Variants in HNRNPU observed in about 807,000 individuals in gnomAD.
The protein encoded by HNRNPU is heterogeneous nuclear ribonucleoprotein U, also known as HNRNPU antisense RNA 1.
In HNRNPU, 5 loss-of-function variants were observed where a neutral mutation model predicts 94.7. The observed-to-expected ratio is 0.05, with a 90% CI of 0.03 to 0.11. The LOEUF (loss-of-function observed/expected upper bound fraction) is 0.11, where lower values mean the gene tolerates loss of function less well. Ranked by LOEUF, HNRNPU falls within the 10% of genes least tolerant of loss-of-function variation. The pLI is 1.00. For synonymous variants in HNRNPU, 434 were observed against 381.6 expected, an observed-to-expected ratio of 1.14 and a Z score of -1.60; for missense variants, 710 against 1,049.2, an observed-to-expected ratio of 0.68 and a Z score of 4.47.
At chr1:244,857,474 T>C (rs1412248077) in intron 8 of HNRNPU, 124 bp downstream of exon 8, 18 of 992,920 alleles carry the variant, frequency 1.8e-5, no homozygotes, top group Admixed American at 5.1e-5. Context: ...CTCAAACTCC[T>C]GACCTCAGGT....
At chr1:244,859,154 G>T in intron 5 of HNRNPU, 121 bp downstream of exon 5, 1 of 615,440 alleles carries the variant, frequency 1.6e-6, no homozygotes, top group Non-Finnish European at 2.9e-6. Flanking sequence ...TTACCTGTCT[G>T]AAGTATTAAC....
rs1367753410 is a variant in HNRNPU, at chr1:244,864,364, G to A, written c.-57C>T. 2.6e-5 allele frequency: 41 copies of A among 1,589,366 alleles called. No individual in the cohort carries two copies. The highest frequency in any genetic ancestry group is 3.4e-5 in the Non-Finnish European group (40 of 1,172,606). ...CCTCAAACTCGGCTCCGCTCACTCG[G>A]CCACTGGTGGCGGCTGCTGCGGCTG... On this transcript the variant is annotated 5_prime_UTR_variant, in exon 1 of 14. Transcript: ENST00000640218.
At chr1:244,862,395 T>TAAAA (rs56937404) in intron 3 of HNRNPU, 66 bp downstream of exon 3, 19,890 of 786,192 alleles carry the variant, frequency 0.025, 209 homozygotes, top group African/African-American at 0.052. Flanking sequence ...TTAAGACTTC[T>TAAAA]AAAAAAAAAA....
At chr1:244,856,905 G>C in intron 8 of HNRNPU, 49 bp from the exon 9 acceptor site, 1 of 1,492,032 alleles carries the variant, frequency 6.7e-7, no homozygotes, top group Non-Finnish European at 9.1e-7. Flanking sequence ...ATTTTAATAA[G>C]TTATGCTTTT....
Position 244,858,836 on chromosome 1 carries a change from C to A in HNRNPU, c.1123G>T (p.Glu375Ter). Residue 375 changes from glutamate (E) to a stop codon, truncating the protein, a stop_gained, in exon 6 of 14, where the codon GAA becomes TAA. Coordinates refer to ENST00000640218, the MANE Select transcript of HNRNPU (RefSeq NM_031844.3). LOFTEE classifies it high-confidence loss of function. Reference protein sequence around the residue: ...LTTSGMLLGEEEFSYGYSLKG... With the variant: ...LTTSGMLLGE ...AGAGAATACCCATAAGAAAATTCTTCTTCACCTAAGAAAATAATTAATCTT... is the reference window on the plus strand; with the variant it reads ...AGAGAATACCCATAAGAAAATTCTTATTCACCTAAGAAAATAATTAATCTT... 7.1e-7 allele frequency: 1 copy of A among 1,403,066 alleles called. No homozygotes were observed. Among genetic ancestry groups the A allele is most frequent in the Non-Finnish European group, 1.0e-6 (1 of 991,528 alleles). The allele number at this position is 1,403,066 out of a possible 1,614,324, so 86.9% of individuals were successfully genotyped here.
chr1:244,861,760 AAAC>A (rs940425422), intron 3 of HNRNPU: 3 of 151,880 alleles, frequency 2.0e-5, no homozygotes, highest in African/African-American at 4.8e-5. Flanking sequence ...AAAAAAAAAA[AAAC>A]AAGTCTGACA....
At chr1:244,856,413 T>C in intron 10 of HNRNPU, 44 bp downstream of exon 10, 1 of 1,563,030 alleles carries the variant, frequency 6.4e-7, no homozygotes. Flanking sequence ...AAACATTCTT[T>C]TAAAAAGAAG....
rs1364488211 is a variant in HNRNPU at position 244,857,295 on chromosome 1, G to T, written c.1614+303C>A. ...GAGTGTTGCTCTGTCGCCCAGACTG[G>T]AGTACAATGGCACGATCTCAACTCA... is the stretch of plus-strand genomic sequence containing the variant. On this transcript the variant is annotated intron_variant, in intron 8 of 13. Coordinates refer to ENST00000640218, the MANE Select transcript of HNRNPU (RefSeq NM_031844.3). 4 of 270,756 alleles carry T rather than the reference G, an allele frequency of 1.5e-5. No homozygotes were observed. The East Asian group carries it at 2.2e-4, about 15-fold the overall frequency. 16.8% of individuals were successfully genotyped at this position (270,756 alleles called of 1,614,324 possible). A position where few individuals can be genotyped will look rare whatever the true frequency, so the allele number is the denominator to read the frequency against.
At chr1:244,859,395 T>C in intron 4 of HNRNPU, 21 bp from the exon 5 acceptor site, 1 of 1,139,140 alleles carries the variant, frequency 8.8e-7, no homozygotes, top group Non-Finnish European at 1.3e-6. Flanking sequence ...AATCATTAAA[T>C]AATTAAAATA....
In HNRNPU at chr1:244,853,722, GAACA is replaced by G. The variant is rs1680604366; in HGVS notation, c.*724_*727del. ...GCTTTCTTTTCAGAATCAAAATGCA[GAACA>G]AATGGAAAAATTATGGTATTAACCT... On this transcript the variant is annotated 3_prime_UTR_variant, in exon 14 of 14. Coordinates refer to ENST00000640218, the MANE Select transcript of HNRNPU (RefSeq NM_031844.3). 1 of 152,496 alleles carries G rather than the reference GAACA, an allele frequency of 6.6e-6. No homozygotes were observed. The highest frequency in any genetic ancestry group is 1.5e-5 in the Non-Finnish European group (1 of 67,976). The allele number at this position is 152,496 out of a possible 1,614,324, so 9.4% of individuals were successfully genotyped here. A position where few individuals can be genotyped will look rare whatever the true frequency, so the allele number is the denominator to read the frequency against.
rs201849132 is a variant in HNRNPU, at chr1:244,863,697, C to G, written c.611G>C (p.Arg204Thr). 8 of 1,565,952 alleles carry G rather than the reference C, an allele frequency of 5.1e-6. No individual in the cohort carries two copies. The highest frequency in any genetic ancestry group is 2.8e-5 in the African/African-American group (2 of 71,846). ...ACCTCCCGCCTGCTGCTGGCCCTGC[C>G]TCGCCCCGGGCGGCGCCACCGTCAC... ...FAVTVAPPGA[R>T]QGQQQAGGKK... Residue 204 changes from arginine (R) to threonine (T), a missense_variant, in exon 1 of 14, where the codon AGG becomes ACG. By Grantham distance (71) the Arg-to-Thr change is moderately conservative. Transcript: ENST00000640218.
chr1:244,856,255 CTAAAAA>C (rs1452968091), intron 10 of HNRNPU, 97 bp from the exon 11 acceptor site: 1 of 1,343,668 alleles, frequency 7.4e-7, no homozygotes, highest in Non-Finnish European at 1.0e-6. Flanking sequence ...ACATATTTTC[CTAAAAA>C]TAAAAACAGA....
At chr1:244,855,660 C>G in intron 11 of HNRNPU, 52 bp from the exon 12 acceptor site, 2 of 1,570,850 alleles carry the variant, frequency 1.3e-6, no homozygotes, top group African/African-American at 1.4e-5. Flanking sequence ...CCTACTTATA[C>G]AGAAGACTTA....
chr1:244,853,275 C>T lies in HNRNPU; in HGVS notation c.*1175G>A, dbSNP rs1474582462. 1 of 152,428 alleles carries T rather than the reference C, an allele frequency of 6.6e-6. No individual in the cohort carries two copies. The highest frequency in any genetic ancestry group is 2.4e-5 in the African/African-American group (1 of 41,396). 9.4% of individuals were successfully genotyped at this position (152,428 alleles called of 1,614,324 possible). ...TTTAAGTTTTTAAAACCTAAATGTTCTATGCAGAGTAAAGAATAAGCTGTC... is the reference window on the plus strand; with the variant it reads ...TTTAAGTTTTTAAAACCTAAATGTTTTATGCAGAGTAAAGAATAAGCTGTC... On this transcript the variant is annotated 3_prime_UTR_variant, in exon 14 of 14. Coordinates refer to ENST00000640218, the MANE Select transcript of HNRNPU (RefSeq NM_031844.3).
intron 11 of HNRNPU, 65 bp from the exon 12 acceptor site, chr1:244,855,673 A>C: frequency 2.0e-6 from 3 of 1,491,718 alleles, no homozygotes; most frequent in Admixed American, 4.1e-5. Flanking sequence ...AAGACTTAGG[A>C]TTCCTCTAGA....
At chr1:244,854,690 C>T (rs1573328399) in intron 13 of HNRNPU, 187 bp from the exon 14 acceptor site, 8 of 567,186 alleles carry the variant, frequency 1.4e-5, no homozygotes, top group Admixed American at 3.4e-5. Context: ...CATTACAAAA[C>T]GAAACATCAT....
chr1:244,857,026 C>G, intron 8 of HNRNPU, 170 bp from the exon 9 acceptor site: 1 of 533,842 alleles, frequency 1.9e-6, no homozygotes, highest in Non-Finnish European at 3.3e-6. Context: ...GTAACAAGAC[C>G]TTACACTTAC....
intron 3 of HNRNPU, 134 bp downstream of exon 3, chr1:244,862,327 T>C (rs1443570247): frequency 3.2e-6 from 2 of 627,356 alleles, no homozygotes; most frequent in Non-Finnish European, 5.5e-6. Flanking sequence ...GTTCTGAATG[T>C]AAACCATTAT....
Position 244,856,076 on chromosome 1 carries a change from G to A in HNRNPU, c.1995C>T (p.Leu665=), listed in dbSNP as rs1372014352. The change falls in exon 11 of 14, where the codon CTC becomes CTT. Residue 665 remains leucine (L), a synonymous_variant. Coordinates refer to ENST00000640218, the MANE Select transcript of HNRNPU (RefSeq NM_031844.3). ...TGCTTTCTTCCTTATATTGCTCCAA[G>A]AGTTTTTGGGCTTCTTCCTTCTGAA... ...VELQKEEAQK[L]LEQYKEESKK... 1.2e-6 allele frequency: 2 copies of A among 1,613,888 alleles called. No individual in the cohort carries two copies. The highest frequency in any genetic ancestry group is 1.3e-5 in the African/African-American group (1 of 74,876).
Sources: allele counts gnomAD v4.1 joint callset, GRCh38; gene constraint gnomAD v4.1.1; transcripts MANE v1.5; gene names NCBI Gene and HGNC (gene_info 2026-07-23, HGNC 2026-07-21).